HECW2: variants seen among roughly 807,000 people sequenced by gnomAD.
HECW2 encodes the protein HECT, C2 and WW domain containing E3 ubiquitin protein ligase 2, also known as E3 ubiquitin-protein ligase HECW2.
A neutral mutation model predicts 175.2 loss-of-function variants in HECW2; 61 were observed. The observed-to-expected ratio is 0.35, with a 90% CI of 0.28 to 0.43. The LOEUF (loss-of-function observed/expected upper bound fraction) is 0.43. HECW2 is among the 20% of genes least tolerant of loss of function. HECW2 has a pLI of 1.00. For synonymous variants in HECW2, 671 were observed against 731.0 expected, an observed-to-expected ratio of 0.92 and a Z score of 1.32; for missense variants, 1,524 against 2,000.5, an observed-to-expected ratio of 0.76 and a Z score of 4.54.
intron 1 of HECW2, among the ~76,000 whole-genome samples, chr2:196,509,705 C>T (rs1687881734): frequency 6.6e-6 from 1 of 152,192 alleles, no homozygotes; most frequent in Non-Finnish European, 1.5e-5. Flanking sequence ...AAAGGACATA[C>T]AACTCAAAAG....
intron 9 of HECW2, among the ~76,000 whole-genome samples, 157 bp from the exon 10 acceptor site, chr2:196,317,526 G>T (rs764356741): frequency 3.3e-5 from 5 of 152,098 alleles, no homozygotes; most frequent in African/African-American, 4.8e-5. Context: ...GAAGAGAATA[G>T]GAGGTGAATG....
chr2:196,204,196 T>C (rs1686979258), intron 28 of HECW2, among the ~76,000 whole-genome samples: 1 of 152,202 alleles, frequency 6.6e-6, no homozygotes, highest in East Asian at 1.9e-4. Flanking sequence ...TAAGTCCTCC[T>C]TTTCAATTTT....
chr2:196,522,408 C>T lies in HECW2; in HGVS notation c.-36+71100G>A, dbSNP rs952003152. ...TTGTCAGATGAGTAGGTTGCGAAAA[C>T]TTTCTCCCATTCTGTAGGTTGCCTG... On this transcript the variant is annotated intron_variant, in intron 1 of 28. Coordinates refer to ENST00000644978, the MANE Select transcript of HECW2 (RefSeq NM_001348768.2). Among the ~76,000 whole-genome samples the T allele has an allele frequency of 9.9e-5, 15 of 152,186 alleles. No homozygotes were observed. In the East Asian group the frequency reaches 2.3e-3, roughly 24 times the overall value.
intron 1 of HECW2, among the ~76,000 whole-genome samples, chr2:196,461,876 C>T (rs954717737): frequency 2.6e-5 from 4 of 152,022 alleles, no homozygotes; most frequent in Non-Finnish European, 5.9e-5. Context: ...AGGAACCATG[C>T]GGATTACAAT....
intron 1 of HECW2, among the ~76,000 whole-genome samples, chr2:196,441,730 T>C (rs1187617196): frequency 6.6e-6 from 1 of 152,140 alleles, no homozygotes; most frequent in Non-Finnish European, 1.5e-5. Flanking sequence ...TAGATAATCA[T>C]AACTTGATGC....
At chr2:196,375,858 C>T (rs1694037261) in intron 2 of HECW2, among the ~76,000 whole-genome samples, 1 of 152,204 alleles carries the variant, frequency 6.6e-6, no homozygotes, top group Non-Finnish European at 1.5e-5. Context: ...TCTATATCAC[C>T]AATGCCATAC....
chr2:196,216,067 G>T (rs1232167403), intron 27 of HECW2, 90 bp from the exon 28 acceptor site: 11 of 829,592 alleles, frequency 1.3e-5, no homozygotes, highest in Non-Finnish European at 2.2e-5. Context: ...GAGCTCCTGA[G>T]GAAGAGCAGG....
chr2:196,518,578 C>T (rs1481642010), intron 1 of HECW2, among the ~76,000 whole-genome samples: 1 of 150,520 alleles, frequency 6.6e-6, no homozygotes, highest in African/African-American at 2.4e-5. Context: ...TTGCTTGAAC[C>T]CGGGAAGCAG....
intron 1 of HECW2, among the ~76,000 whole-genome samples, chr2:196,570,385 C>G (rs1324855597): frequency 6.6e-6 from 1 of 152,202 alleles, no homozygotes; most frequent in African/African-American, 2.4e-5. Context: ...AGCTTGCAAA[C>G]TTATCTGGTT....
At chr2:196,546,092 C>T (rs1402239340) in intron 1 of HECW2, among the ~76,000 whole-genome samples, 1 of 152,164 alleles carries the variant, frequency 6.6e-6, no homozygotes, top group East Asian at 1.9e-4. Flanking sequence ...ATGCTCACCA[C>T]GATAAGAAAT....
chr2:196,218,757 T>A (rs1687565197), intron 26 of HECW2, among the ~76,000 whole-genome samples: 4 of 152,176 alleles, frequency 2.6e-5, no homozygotes, highest in Admixed American at 2.6e-4. Flanking sequence ...TGGTAAAATA[T>A]AACTTATGTA....
chr2:196,427,148 T>G (rs1695571845), intron 2 of HECW2, among the ~76,000 whole-genome samples: 1 of 152,132 alleles, frequency 6.6e-6, no homozygotes, highest in Non-Finnish European at 1.5e-5. Flanking sequence ...AGATGATTTT[T>G]TTTCATAGCA....
chr2:196,405,680 T>C (rs1343633620), intron 2 of HECW2, among the ~76,000 whole-genome samples: 1 of 152,244 alleles, frequency 6.6e-6, no homozygotes, highest in East Asian at 1.9e-4. Flanking sequence ...TACTAGATCA[T>C]ATTCATTAAT....
chr2:196,301,815 T>C (rs1054072782), intron 13 of HECW2, among the ~76,000 whole-genome samples: 1 of 152,158 alleles, frequency 6.6e-6, no homozygotes, highest in African/African-American at 2.4e-5. Context: ...TACAAAAATT[T>C]TCTCCCATTC....
rs374370449 is a variant in HECW2 at position 196,223,863 on chromosome 2, T to C, written c.4017-1523A>G. On this transcript the variant is annotated intron_variant, in intron 23 of 28. Transcript: ENST00000644978. Reference sequence around the variant, plus strand: ...GCTATTAAGGTTGGAGAGAAGAAGATGAATTTGAAAATCATTTAGGAGGCA... The same window carrying C: ...GCTATTAAGGTTGGAGAGAAGAAGACGAATTTGAAAATCATTTAGGAGGCA... Among the ~76,000 whole-genome samples, 96 of 152,184 alleles carry C rather than the reference T, an allele frequency of 6.3e-4. No individual in the cohort carries two copies. In the South Asian group the frequency reaches 8.9e-3, roughly 14 times the overall value.
intron 2 of HECW2, among the ~76,000 whole-genome samples, chr2:196,429,068 C>T (rs1451298627): frequency 6.6e-6 from 1 of 152,138 alleles, no homozygotes; most frequent in Non-Finnish European, 1.5e-5. Flanking sequence ...GTTCCAAGTA[C>T]AAGAGAAGAG....
intron 28 of HECW2, among the ~76,000 whole-genome samples, chr2:196,207,290 A>G (rs1301651630): frequency 6.6e-6 from 1 of 152,234 alleles, no homozygotes; most frequent in African/African-American, 2.4e-5. Flanking sequence ...AGCATGAGAA[A>G]TCCAAAGTTA....
intron 1 of HECW2, among the ~76,000 whole-genome samples, chr2:196,448,877 A>T (rs1696264428): frequency 6.6e-6 from 1 of 152,216 alleles, no homozygotes; most frequent in South Asian, 2.1e-4. Context: ...TAGCAGCTCA[A>T]TACAAATCAC....
At chr2:196,422,053 C>A (rs1695420721) in intron 2 of HECW2, among the ~76,000 whole-genome samples, 1 of 152,144 alleles carries the variant, frequency 6.6e-6, no homozygotes, top group African/African-American at 2.4e-5. Context: ...TATTTTTCAT[C>A]TATAATGGTC....
Sources: gnomAD v4.1 joint callset for allele counts (sites outside exome capture counted in the v4.1 genomes callset) on GRCh38, gnomAD v4.1.1 for gene constraint, MANE v1.5 for transcripts, NCBI Gene and HGNC (gene_info 2026-07-23, HGNC 2026-07-21) for gene names.